The following SLC35F4 variants were observed in gnomAD, a reference collection of about 807,000 sequenced individuals.
SLC35F4 encodes the protein solute carrier family 35 member F4, also known as chromosome 14 open reading frame 36.
Under a neutral mutation model 44.2 loss-of-function variants are expected in SLC35F4, and 24 were observed. That is an observed-to-expected ratio of 0.54 (90% CI 0.39 to 0.76). The LOEUF (loss-of-function observed/expected upper bound fraction) is 0.76, where lower values mean the gene tolerates loss of function less well. SLC35F4 is among the 30% of genes least tolerant of loss of function. SLC35F4 has a pLI of 0.00. For missense variants in SLC35F4, 562 were observed against 586.1 expected, an observed-to-expected ratio of 0.96 and a Z score of 0.42; for synonymous variants, 238 against 223.6, an observed-to-expected ratio of 1.06 and a Z score of -0.57.
chr14:57,733,630 T>C (rs534898150), intron 1 of SLC35F4, among the ~76,000 whole-genome samples: 28 of 152,186 alleles, frequency 1.8e-4, no homozygotes, highest in Middle Eastern at 3.4e-3. Context: ...GATGTATGGA[T>C]AGCATTAAAG....
intron 6 of SLC35F4, among the ~76,000 whole-genome samples, chr14:57,568,079 G>A (rs1594877047): frequency 6.6e-6 from 1 of 152,366 alleles, no homozygotes; most frequent in African/African-American, 2.4e-5. Context: ...CCTGGGGTGT[G>A]TAACAGGCTG....
chr14:57,813,877 A>C (rs111708577), intron 1 of SLC35F4, among the ~76,000 whole-genome samples: 1 of 152,246 alleles, frequency 6.6e-6, no homozygotes, highest in Non-Finnish European at 1.5e-5. Context: ...TGGTGGTGCA[A>C]ATTCCCTTAG....
At chr14:57,836,188 A>G (rs550397761) in intron 1 of SLC35F4, among the ~76,000 whole-genome samples, 7 of 152,212 alleles carry the variant, frequency 4.6e-5, no homozygotes, top group African/African-American at 1.7e-4. Context: ...TTACCTACAT[A>G]CCACCCATAT....
chr14:57,719,454 A>G (rs1024724533), intron 1 of SLC35F4, among the ~76,000 whole-genome samples: 3 of 152,190 alleles, frequency 2.0e-5, no homozygotes, highest in Admixed American at 2.0e-4. Context: ...ATCCATGAAC[A>G]TGGAATATCT....
chr14:57,926,039 T>C (rs1312512888), intron 1 of SLC35F4, among the ~76,000 whole-genome samples: 1 of 152,154 alleles, frequency 6.6e-6, no homozygotes. Context: ...TTTTTTAGTA[T>C]CTTTATGTAT....
intron 1 of SLC35F4, among the ~76,000 whole-genome samples, chr14:57,689,899 TAAAAAA>T (rs926905673): frequency 6.6e-6 from 1 of 151,316 alleles, no homozygotes. Flanking sequence ...AAAATAAAAA[TAAAAAA>T]AAATAAAGAT....
intron 1 of SLC35F4, among the ~76,000 whole-genome samples, chr14:57,737,157 A>C (rs1213840137): frequency 6.6e-6 from 1 of 150,956 alleles, no homozygotes; most frequent in Admixed American, 6.6e-5. Flanking sequence ...GAGAGAATGA[A>C]AGGGAGGAGA....
intron 1 of SLC35F4, among the ~76,000 whole-genome samples, chr14:57,716,287 C>T (rs1311904480): frequency 8.4e-6 from 1 of 118,678 alleles, no homozygotes; most frequent in Non-Finnish European, 1.9e-5. Context: ...GGTAATTTCT[C>T]ATTTTCACTT....
chr14:57,974,653 C>T (rs963878521), downstream of SLC35F4, among the ~76,000 whole-genome samples: 2 of 152,108 alleles, frequency 1.3e-5, no homozygotes, highest in Admixed American at 6.6e-5. Flanking sequence ...CTGGGTGGTT[C>T]CTGTGGGAGA....
chr14:57,915,604 T>G (rs1177682111), intron 1 of SLC35F4, among the ~76,000 whole-genome samples: 1 of 152,224 alleles, frequency 6.6e-6, no homozygotes, highest in Non-Finnish European at 1.5e-5. Flanking sequence ...TTATCATTCT[T>G]AAATTCTACC....
chr14:57,814,174 A>G (rs1882307323), intron 1 of SLC35F4, among the ~76,000 whole-genome samples: 1 of 152,226 alleles, frequency 6.6e-6, no homozygotes, highest in African/African-American at 2.4e-5. Context: ...ATCTCTTGAT[A>G]GCTGCTAGCA....
At chr14:57,687,052 G>A (rs1272691938) in intron 1 of SLC35F4, among the ~76,000 whole-genome samples, 3 of 152,160 alleles carry the variant, frequency 2.0e-5, no homozygotes, top group Non-Finnish European at 4.4e-5. Context: ...AAAAGACTAA[G>A]TGAAGACACA....
At chr14:57,582,974 G>A (rs1022466582) in intron 3 of SLC35F4, among the ~76,000 whole-genome samples, 3 of 152,160 alleles carry the variant, frequency 2.0e-5, no homozygotes, top group African/African-American at 7.2e-5. Flanking sequence ...CAGGTCACCG[G>A]TTCCAGGAAG....
At chr14:57,760,840 T>C (rs2077106468) in intron 1 of SLC35F4, among the ~76,000 whole-genome samples, 3 of 152,200 alleles carry the variant, frequency 2.0e-5, no homozygotes, top group Admixed American at 2.0e-4. Flanking sequence ...AAGAAGGCTC[T>C]TTCCAGGGCG....
intron 1 of SLC35F4, among the ~76,000 whole-genome samples, chr14:57,605,491 T>C (rs2071105846): frequency 6.6e-6 from 1 of 152,150 alleles, no homozygotes; most frequent in East Asian, 1.9e-4. Context: ...AATGAAATAC[T>C]TATATACTGT....
At chr14:57,946,928 T>A (rs1310569583) in intron 1 of SLC35F4, among the ~76,000 whole-genome samples, 1 of 152,148 alleles carries the variant, frequency 6.6e-6, no homozygotes, top group African/African-American at 2.4e-5. Context: ...GTTTTTGTTT[T>A]TGTTTTTTGC....
intron 1 of SLC35F4, among the ~76,000 whole-genome samples, chr14:57,873,738 A>AACACAC (rs60973207): frequency 0.077 from 11,610 of 150,872 alleles, 601 homozygotes; most frequent in African/African-American, 0.15. Flanking sequence ...AGTGAATACA[A>AACACAC]ACACACACAC....
At chr14:57,815,597 A>C (rs1037054296) in intron 1 of SLC35F4, among the ~76,000 whole-genome samples, 1 of 152,168 alleles carries the variant, frequency 6.6e-6, no homozygotes, top group African/African-American at 2.4e-5. Context: ...GACCCTTCTT[A>C]CTTCTACCTC....
At chr14:57,621,696 C>A (rs571695606) in intron 1 of SLC35F4, among the ~76,000 whole-genome samples, 2 of 151,770 alleles carry the variant, frequency 1.3e-5, no homozygotes, top group East Asian at 3.9e-4. Context: ...AAACGTTAGA[C>A]CTAAAACCAT....
Sources: allele counts gnomAD v4.1 joint callset (sites outside exome capture counted in the v4.1 genomes callset), GRCh38; gene constraint gnomAD v4.1.1; transcripts MANE v1.5; gene names NCBI Gene and HGNC (gene_info 2026-07-23, HGNC 2026-07-21).